Variants in PHACTR3 observed in about 807,000 individuals in gnomAD.
PHACTR3 encodes phosphatase and actin regulator 3.
PHACTR3 carries 16 observed loss-of-function variants against 66.8 expected under a neutral mutation model. The ratio of observed to expected loss-of-function variants is 0.24; its 90% confidence interval spans 0.16 to 0.36. The LOEUF (loss-of-function observed/expected upper bound fraction) is 0.36. Among genes scored for constraint, PHACTR3 ranks in the 10% least tolerant of loss-of-function variants. The probability of loss-of-function intolerance (pLI) is 1.00; values close to 1 mark genes in which losing one functional copy is unlikely to be tolerated. For synonymous variants in PHACTR3, 323 were observed against 292.1 expected (o/e 1.11, Z -1.08); for missense variants, 647 against 719.9 (o/e 0.90, Z 1.16).
chr20:59,785,051 G>A (rs1191127636), intron 7 of PHACTR3, among the ~76,000 whole-genome samples: 1 of 152,158 alleles, frequency 6.6e-6, no homozygotes, highest in African/African-American at 2.4e-5. Flanking sequence ...ACAGGGAGGG[G>A]CCATGAGGAG....
At chr20:59,615,596 C>G (rs758998541) in intron 1 of PHACTR3, among the ~76,000 whole-genome samples, 6 of 152,228 alleles carry the variant, frequency 3.9e-5, no homozygotes, top group Non-Finnish European at 8.8e-5. Flanking sequence ...CGTGGCCCTA[C>G]AGCATTGAGC....
At chr20:59,646,498 A>T (rs1011960719) in intron 1 of PHACTR3, among the ~76,000 whole-genome samples, 6 of 152,116 alleles carry the variant, frequency 3.9e-5, no homozygotes, top group African/African-American at 9.7e-5. Flanking sequence ...GATCTACTGA[A>T]ATATAGGAGT....
At chr20:59,841,374 T>C (rs2059058431) in intron 10 of PHACTR3, 21 bp from the exon 11 acceptor site, 1 of 1,602,356 alleles carries the variant, frequency 6.2e-7, no homozygotes, top group Non-Finnish European at 8.5e-7. Context: ...GATACTTAAC[T>C]ATGATGATCT....
intron 8 of PHACTR3, among the ~76,000 whole-genome samples, chr20:59,825,336 C>T (rs927889699): frequency 6.6e-6 from 1 of 152,200 alleles, no homozygotes; most frequent in Non-Finnish European, 1.5e-5. Context: ...TCAATGTAAA[C>T]CTGGCGTTGC....
At chr20:59,737,540 A>G (rs1386774770) in intron 1 of PHACTR3, among the ~76,000 whole-genome samples, 1 of 151,474 alleles carries the variant, frequency 6.6e-6, no homozygotes, top group Non-Finnish European at 1.5e-5. Flanking sequence ...GTGTGCGTGC[A>G]TGTGCATGTG....
chr20:59,721,738 C>T (rs2038309844), intron 1 of PHACTR3, among the ~76,000 whole-genome samples: 1 of 152,106 alleles, frequency 6.6e-6, no homozygotes, highest in Non-Finnish European at 1.5e-5. Context: ...TGCCTGGGGG[C>T]TTCCCATCCT....
At chr20:59,663,232 A>T (rs1184523301) in intron 1 of PHACTR3, among the ~76,000 whole-genome samples, 1 of 152,226 alleles carries the variant, frequency 6.6e-6, no homozygotes, top group Non-Finnish European at 1.5e-5. Flanking sequence ...AACGAATGAC[A>T]TCTGCAAAAA....
At chr20:59,745,686 C>T (rs906415419) in intron 2 of PHACTR3, among the ~76,000 whole-genome samples, 4 of 152,138 alleles carry the variant, frequency 2.6e-5, no homozygotes, top group Admixed American at 2.0e-4. Flanking sequence ...TTTTGGTAGG[C>T]GAGGCTGGGG....
At chr20:59,640,078 T>C (rs1267850329) in intron 1 of PHACTR3, among the ~76,000 whole-genome samples, 3 of 152,200 alleles carry the variant, frequency 2.0e-5, no homozygotes, top group African/African-American at 7.2e-5. Context: ...CAGTAGAGCA[T>C]AGCAGATGGG....
chr20:59,786,005 G>A (rs1244455732), intron 7 of PHACTR3, among the ~76,000 whole-genome samples: 1 of 152,236 alleles, frequency 6.6e-6, no homozygotes, highest in Non-Finnish European at 1.5e-5. Context: ...CTGCCACTGA[G>A]TCTGAGTCGT....
intron 1 of PHACTR3, among the ~76,000 whole-genome samples, chr20:59,734,465 C>G (rs997619783): frequency 1.3e-5 from 2 of 152,124 alleles, no homozygotes; most frequent in African/African-American, 4.8e-5. Flanking sequence ...ACTACGTTGC[C>G]CAGGCTGGGC....
intron 1 of PHACTR3, among the ~76,000 whole-genome samples, chr20:59,616,233 GGACACAGGAAGA>G (rs2034019617): frequency 6.6e-6 from 1 of 152,080 alleles, no homozygotes; most frequent in South Asian, 2.1e-4. Context: ...ACAGTTCCTG[GGACACAGGAAGA>G]TCCTGGTCAC....
chr20:59,691,283 C>A (rs1156963821), intron 1 of PHACTR3, among the ~76,000 whole-genome samples: 1 of 152,314 alleles, frequency 6.6e-6, no homozygotes, highest in African/African-American at 2.4e-5. Flanking sequence ...ACTCTTTATG[C>A]TTTCATCTTT....
At chr20:59,692,319 C>T (rs17804813) in intron 1 of PHACTR3, among the ~76,000 whole-genome samples, 3 of 152,308 alleles carry the variant, frequency 2.0e-5, no homozygotes, top group South Asian at 2.1e-4. Context: ...GAAGGTCACC[C>T]GTGGTTCAGC....
At chr20:59,821,232 G>A (rs918916315) in intron 8 of PHACTR3, among the ~76,000 whole-genome samples, 1 of 152,102 alleles carries the variant, frequency 6.6e-6, no homozygotes, top group Non-Finnish European at 1.5e-5. Context: ...GACCCAGGTG[G>A]GCCGACTCCA....
chr20:59,598,903 C>T (rs1345726964), intron 1 of PHACTR3, among the ~76,000 whole-genome samples: 2 of 152,188 alleles, frequency 1.3e-5, no homozygotes, highest in African/African-American at 4.8e-5. Context: ...TTCCTTGGGT[C>T]CTGGAACTCC....
intron 8 of PHACTR3, among the ~76,000 whole-genome samples, chr20:59,817,529 C>T (rs1197999201): frequency 2.0e-5 from 3 of 152,252 alleles, no homozygotes; most frequent in South Asian, 2.1e-4. Context: ...ACCCATGACT[C>T]GCCACAGGAG....
chr20:59,717,222 G>A lies in PHACTR3; in HGVS notation c.119-25885G>A, dbSNP rs557836172. Among the ~76,000 whole-genome samples the A allele has an allele frequency of 1.4e-3, 206 of 151,992 alleles. 2 individuals carry two copies. The highest frequency in any genetic ancestry group is 2.2e-3 in the Admixed American group (34 of 15,274). On this transcript the variant is annotated intron_variant, in intron 1 of 12. Coordinates refer to ENST00000371015, the MANE Select transcript of PHACTR3 (RefSeq NM_080672.5). ...AGTGTTTATTTAGTGTATTCTTTTT[G>A]GCAGAATTAATGATCTTAATAATGA...
intron 1 of PHACTR3, among the ~76,000 whole-genome samples, chr20:59,710,188 A>G (rs6070919): frequency 0.052 from 7,873 of 151,916 alleles, 266 homozygotes; most frequent in Non-Finnish European, 0.08. Context: ...CAAAAGGCTT[A>G]TCTTAACAAG....
Sources: gnomAD v4.1 joint callset for allele counts (sites outside exome capture counted in the v4.1 genomes callset) on GRCh38, gnomAD v4.1.1 for gene constraint, MANE v1.5 for transcripts, NCBI Gene and HGNC (gene_info 2026-07-23, HGNC 2026-07-21) for gene names.